The following ZNF618 variants were observed in gnomAD, a reference collection of about 807,000 sequenced individuals.
ZNF618 encodes zinc finger protein 618.
In ZNF618, 34 loss-of-function variants were observed where a neutral mutation model predicts 103.0. The observed-to-expected ratio is 0.33, with a 90% CI of 0.25 to 0.44. The LOEUF is 0.44. ZNF618 is among the 20% of genes least tolerant of loss of function. The probability of loss-of-function intolerance (pLI) is 1.00; values close to 1 mark genes in which losing one functional copy is unlikely to be tolerated. For missense variants in ZNF618, 1,059 were observed against 1,295.4 expected, an observed-to-expected ratio of 0.82 and a Z score of 2.80; for synonymous variants, 551 against 542.2, an observed-to-expected ratio of 1.02 and a Z score of -0.23.
Position 114,002,653 on chromosome 9 carries a change from T to C in ZNF618, c.541T>C (p.Ser181Pro). Reference sequence around the variant, plus strand: ...CGAAGCCACCTCAGGGGAGGGAGCCTCCCAAAGCAGTGAGTACTTTTTCCT... The same window carrying C: ...CGAAGCCACCTCAGGGGAGGGAGCCCCCCAAAGCAGTGAGTACTTTTTCCT... ...DTEATSGEGASQSNNFRYTCD... is the reference protein window; with the variant it reads ...DTEATSGEGAPQSNNFRYTCD... Residue 181 changes from serine to proline, a missense_variant, in exon 6 of 15, where the codon TCC becomes CCC. By Grantham distance (74) the Ser-to-Pro change is moderately conservative. Coordinates refer to ENST00000374126, the MANE Select transcript of ZNF618 (RefSeq NM_001318042.2). 1 of 1,611,316 alleles carries C rather than the reference T, an allele frequency of 6.2e-7. No homozygotes were observed.
intron 1 of ZNF618, among the ~76,000 whole-genome samples, chr9:113,954,544 C>T (rs1347300108): frequency 6.6e-6 from 1 of 152,140 alleles, no homozygotes; most frequent in Non-Finnish European, 1.5e-5. Context: ...CAAGACAAGG[C>T]AGTTCTTGCT....
intron 1 of ZNF618, among the ~76,000 whole-genome samples, chr9:113,920,593 G>C (rs1832553721): frequency 6.6e-6 from 1 of 151,988 alleles, no homozygotes; most frequent in Non-Finnish European, 1.5e-5. Flanking sequence ...GTAGAGACAG[G>C]GTTTCACCAT....
chr9:113,931,068 A>C (rs1833540781), intron 1 of ZNF618, among the ~76,000 whole-genome samples: 1 of 152,212 alleles, frequency 6.6e-6, no homozygotes, highest in Non-Finnish European at 1.5e-5. Context: ...ATATAGAAGA[A>C]ATAGGAAAGA....
chr9:114,028,700 G>A (rs1031046563), intron 10 of ZNF618, 33 bp from the exon 11 acceptor site: 2 of 1,533,688 alleles, frequency 1.3e-6, no homozygotes, highest in Non-Finnish European at 1.8e-6. Flanking sequence ...CGGCTGGGAG[G>A]GCCCTCGGGG....
At chr9:113,898,978 TCTTAC>T (rs1564144185) in intron 1 of ZNF618, among the ~76,000 whole-genome samples, 1 of 152,094 alleles carries the variant, frequency 6.6e-6, no homozygotes, top group Admixed American at 6.5e-5. Context: ...TTGGTTTTCC[TCTTAC>T]CAGCCTGCCT....
chr9:113,994,369 G>C (rs1381862984), intron 3 of ZNF618, among the ~76,000 whole-genome samples: 1 of 152,230 alleles, frequency 6.6e-6, no homozygotes, highest in Non-Finnish European at 1.5e-5. Context: ...GAGCCTGCCA[G>C]AACCAACACT....
chr9:114,008,612 G>T, intron 9 of ZNF618, 58 bp downstream of exon 9: 1 of 1,597,898 alleles, frequency 6.3e-7, no homozygotes, highest in South Asian at 1.1e-5. Flanking sequence ...AGGGAGGCAG[G>T]GCTCAGTCTC....
At chr9:113,876,461 GC>G in intron 1 of ZNF618, 48 bp downstream of exon 1, 1 of 1,176,810 alleles carries the variant, frequency 8.5e-7, no homozygotes, top group East Asian at 3.5e-5. Flanking sequence ...ACCCCGGGGG[GC>G]CGGGGCCCGG....
At chr9:113,984,732 A>G (rs1462755005) in intron 2 of ZNF618, among the ~76,000 whole-genome samples, 1 of 152,132 alleles carries the variant, frequency 6.6e-6, no homozygotes, top group African/African-American at 2.4e-5. Flanking sequence ...CTCTTTGCCT[A>G]CTGAGCCTCA....
At chr9:114,042,116 T>C (rs1396681808) in intron 13 of ZNF618, among the ~76,000 whole-genome samples, 1 of 152,186 alleles carries the variant, frequency 6.6e-6, no homozygotes, top group African/African-American at 2.4e-5. Context: ...TTCCCCTTTG[T>C]GAATGTAAAG....
intron 2 of ZNF618, among the ~76,000 whole-genome samples, chr9:113,971,525 C>A (rs895375776): frequency 2.6e-5 from 4 of 152,178 alleles, no homozygotes; most frequent in African/African-American, 9.7e-5. Flanking sequence ...TCTAGTGTCT[C>A]CTGCATGGCA....
chr9:114,031,764 A>G (rs955616810), intron 11 of ZNF618, among the ~76,000 whole-genome samples: 6 of 152,158 alleles, frequency 3.9e-5, no homozygotes, highest in Admixed American at 1.3e-4. Context: ...TAAGAAATGC[A>G]CTGGGTCAGC....
At chr9:113,959,080 G>A (rs1026685965) in intron 1 of ZNF618, among the ~76,000 whole-genome samples, 3 of 152,060 alleles carry the variant, frequency 2.0e-5, no homozygotes, top group East Asian at 1.9e-4. Context: ...ACCTGAGATC[G>A]GGAGTTCGAG....
chr9:113,956,808 G>T (rs1371045175), intron 1 of ZNF618, among the ~76,000 whole-genome samples: 3 of 152,160 alleles, frequency 2.0e-5, no homozygotes, highest in Admixed American at 6.5e-5. Flanking sequence ...TTAATAAGTG[G>T]TAGTAATTAT....
At chr9:114,046,820 T>C (rs905314564) in intron 13 of ZNF618, among the ~76,000 whole-genome samples, 3 of 152,236 alleles carry the variant, frequency 2.0e-5, no homozygotes, top group East Asian at 1.9e-4. Context: ...TCTTTTACTC[T>C]ATTAGCGTGG....
At chr9:113,981,907 G>C (rs1164261946) in intron 2 of ZNF618, among the ~76,000 whole-genome samples, 1 of 152,210 alleles carries the variant, frequency 6.6e-6, no homozygotes, top group Non-Finnish European at 1.5e-5. Context: ...GCCCCGTTCT[G>C]TGCCTTGGTT....
Position 114,032,631 on chromosome 9 carries a change from T to C in ZNF618, c.1085-14T>C. 3.1e-6 allele frequency: 5 copies of C among 1,613,536 alleles called. No homozygotes were observed. The highest frequency in any genetic ancestry group is 3.4e-6 in the Non-Finnish European group (4 of 1,179,480). ...TCACCATTGTTTTCTTTCTCTCTCC[T>C]GTCCCCCACCCAGCAGAAAGCGCTT... On this transcript the variant is annotated splice_polypyrimidine_tract_variant and intron_variant, in intron 11 of 14. Coordinates refer to ENST00000374126, the MANE Select transcript of ZNF618 (RefSeq NM_001318042.2).
intron 1 of ZNF618, among the ~76,000 whole-genome samples, chr9:113,880,549 G>A (rs1828417973): frequency 6.6e-6 from 1 of 152,226 alleles, no homozygotes. Context: ...TTGTAAATCA[G>A]AGTGGAGAGT....
At chr9:114,004,282 C>A (rs1841528260) in intron 6 of ZNF618, among the ~76,000 whole-genome samples, 1 of 152,214 alleles carries the variant, frequency 6.6e-6, no homozygotes, top group African/African-American at 2.4e-5. Context: ...GCCACAGGAC[C>A]CCAGCTGGGA....
Sources: gnomAD v4.1 joint callset for allele counts (sites outside exome capture counted in the v4.1 genomes callset) on GRCh38, gnomAD v4.1.1 for gene constraint, MANE v1.5 for transcripts, NCBI Gene and HGNC (gene_info 2026-07-23, HGNC 2026-07-21) for gene names.